Variants in UPF3A observed in about 807,000 individuals in gnomAD.
UPF3A encodes the protein UPF3A regulator of nonsense mediated mRNA decay.
Under a neutral mutation model 53.5 loss-of-function variants are expected in UPF3A, and 42 were observed. The ratio of observed to expected loss-of-function variants is 0.78; its 90% confidence interval spans 0.61 to 1.01. The LOEUF (loss-of-function observed/expected upper bound fraction) is 1.01, where lower values mean the gene tolerates loss of function less well. Ranked by LOEUF, UPF3A falls within the 50% of genes least tolerant of loss-of-function variation. UPF3A has a pLI of 0.00. For synonymous variants in UPF3A, 237 were observed against 225.3 expected, an observed-to-expected ratio of 1.05 and a Z score of -0.47; for missense variants, 575 against 598.0, an observed-to-expected ratio of 0.96 and a Z score of 0.40.
At chr13:114,283,388 A>G (rs9562189) in intron 3 of UPF3A, 7,851 of 152,786 alleles carry the variant, frequency 0.051, 520 homozygotes, top group East Asian at 0.35. Context: ...ATGTTACTGT[A>G]ATTATGTGCA....
intron 7 of UPF3A, among the ~76,000 whole-genome samples, chr13:114,295,307 C>T (rs998628572): frequency 4.9e-5 from 7 of 142,656 alleles, no homozygotes; most frequent in African/African-American, 1.5e-4. Flanking sequence ...GCAGAGCTGG[C>T]CTGCTCCCCA....
chr13:114,301,210 C>G (rs2086572999), intron 8 of UPF3A, among the ~76,000 whole-genome samples: 1 of 151,804 alleles, frequency 6.6e-6, no homozygotes, highest in Admixed American at 6.6e-5. Flanking sequence ...ACCTGTAATC[C>G]CAGCACTTTG....
At chr13:114,301,433 A>C (rs1048305978) in intron 8 of UPF3A, among the ~76,000 whole-genome samples, 2 of 151,702 alleles carry the variant, frequency 1.3e-5, no homozygotes, top group Admixed American at 6.6e-5. Context: ...ATTTTACTCC[A>C]GCCTGGGCAA....
At chr13:114,281,979 C>T (rs577002116) in intron 1 of UPF3A, 42 bp from the exon 2 acceptor site, 5 of 1,521,870 alleles carry the variant, frequency 3.3e-6, no homozygotes, top group East Asian at 2.5e-5. Flanking sequence ...AGCTCCTTGT[C>T]CACGCTCCGC....
At position 114,291,730 on chromosome 13, in the gene UPF3A, A is replaced by G. The variant is rs751362107; in HGVS notation, c.784A>G (p.Arg262Gly). Residue 262 changes from arginine (R) to glycine (G), a missense_variant, in exon 7 of 10, where the codon AGA becomes GGA. Around this residue, in one of 2 missense-constraint regions of UPF3A, gnomAD observed 323 missense variants for 415.2 expected, o/e 0.78. Transcript: ENST00000375299. ...AAAAAGAAGAAGAAGAGAAGAAGAA[A>G]GATGCAAAAAAAAAGAGACAGATAA... is the stretch of plus-strand genomic sequence containing the variant. ...EEKRRRREEERCKKKETDKQK... is the reference protein window; with the variant it reads ...EEKRRRREEEGCKKKETDKQK... 1.3e-6 allele frequency: 2 copies of G among 1,599,152 alleles called. No homozygotes were observed. Among genetic ancestry groups the G allele is most frequent in the Admixed American group, 3.4e-5 (2 of 59,016 alleles).
intron 3 of UPF3A, among the ~76,000 whole-genome samples, chr13:114,284,359 G>A (rs917061865): frequency 2.0e-5 from 3 of 147,520 alleles, no homozygotes; most frequent in African/African-American, 7.8e-5. Flanking sequence ...AAAAAAATAT[G>A]TATGTGTATG....
intron 2 of UPF3A, chr13:114,282,531 C>T (rs2084205933): frequency 7.1e-6 from 7 of 985,344 alleles, no homozygotes; most frequent in Admixed American, 6.1e-5. Context: ...GAGAAGGTCC[C>T]CAAGTCAGGA....
At chr13:114,303,483 C>G (rs1373368973) in intron 9 of UPF3A, among the ~76,000 whole-genome samples, 1 of 152,110 alleles carries the variant, frequency 6.6e-6, no homozygotes, top group Non-Finnish European at 1.5e-5. Flanking sequence ...AGGTATTGCC[C>G]TGGTAAGAAG....
rs564316928 is a variant in UPF3A, at chr13:114,295,004, T to G, written c.846+3212T>G. Reference sequence around the variant, plus strand: ...GCGGGAGCCTGTAGTCCCAGCTACTTGGAAGGCTGAGGCAGGAGAATGGCA... The same window carrying G: ...GCGGGAGCCTGTAGTCCCAGCTACTGGGAAGGCTGAGGCAGGAGAATGGCA... On this transcript the variant is annotated intron_variant, in intron 7 of 9. Transcript: ENST00000375299. 3.4e-5 allele frequency among the ~76,000 whole-genome samples: 5 copies of G among 145,590 alleles called. No individual in the cohort carries two copies. The Admixed American group carries it at 3.4e-4, about 10-fold the overall frequency.
intron 3 of UPF3A, chr13:114,284,214 T>A (rs1344586921): frequency 1.4e-5 from 4 of 290,638 alleles, no homozygotes; most frequent in Non-Finnish European, 2.0e-5. Flanking sequence ...ATACAAAAAT[T>A]AGCCAGGCAT....
Position 114,286,132 on chromosome 13 carries a change from G to GT in UPF3A, c.422-164dup, listed in dbSNP as rs1374784095. ...GCTTGAAAGTGTAATAAAATTGTAG[G>GT]TTTTTTAATCTTTTTTTTAATCTCT... On this transcript the variant is annotated intron_variant, in intron 3 of 9. Coordinates refer to ENST00000375299, the MANE Select transcript of UPF3A (RefSeq NM_023011.4). 10 of 901,896 alleles carry GT rather than the reference G, an allele frequency of 1.1e-5. No homozygotes were observed. The East Asian group carries it at 2.7e-4, about 25-fold the overall frequency. 55.9% of individuals were successfully genotyped at this position (901,896 alleles called of 1,614,324 possible). A position where few individuals can be genotyped will look rare whatever the true frequency, so the allele number is the denominator to read the frequency against.
At chr13:114,296,964 C>A (rs1183136782) in intron 7 of UPF3A, among the ~76,000 whole-genome samples, 1 of 152,200 alleles carries the variant, frequency 6.6e-6, no homozygotes, top group Non-Finnish European at 1.5e-5. Flanking sequence ...TGGGCAGTTA[C>A]CAGAAAGGAA....
chr13:114,292,249 CAT>C lies in UPF3A; in HGVS notation c.846+458_846+459del, dbSNP rs36232597. Among the ~76,000 whole-genome samples, 305 of 149,622 alleles carry C rather than the reference CAT, an allele frequency of 2.0e-3. 1 individual carries two copies. The highest frequency in any genetic ancestry group is 3.6e-3 in the Non-Finnish European group (244 of 67,556). ...AAGGCGTACACGTGCAGATGTGTCACATGTTCATTTTCAGCTCAAGGCGTACA... is the reference window on the plus strand; with the variant it reads ...AAGGCGTACACGTGCAGATGTGTCACGTTCATTTTCAGCTCAAGGCGTACA... On this transcript the variant is annotated intron_variant, in intron 7 of 9. Transcript: ENST00000375299.
rs550683509 is a variant in UPF3A at position 114,297,236 on chromosome 13, T to C, written c.847-1604T>C. Among the ~76,000 whole-genome samples the C allele has an allele frequency of 1.6e-4, 24 of 151,290 alleles. No individual in the cohort carries two copies. The East Asian group carries it at 3.1e-3, about 20-fold the overall frequency. On this transcript the variant is annotated intron_variant, in intron 7 of 9. Coordinates refer to ENST00000375299, the MANE Select transcript of UPF3A (RefSeq NM_023011.4). ...GTGGTGCTTCCGTTTTTTTTTTTTTTCTCCCTTTTCTCAAGTTAGCTGAGG... is the reference window on the plus strand; with the variant it reads ...GTGGTGCTTCCGTTTTTTTTTTTTTCCTCCCTTTTCTCAAGTTAGCTGAGG...
At position 114,289,897 on chromosome 13, in the gene UPF3A, G is replaced by A. The variant is rs552126697; in HGVS notation, c.632-1592G>A. On this transcript the variant is annotated intron_variant, in intron 5 of 9. Coordinates refer to ENST00000375299, the MANE Select transcript of UPF3A (RefSeq NM_023011.4). ...GGGTGATAGGGCAGACATTTTATAG[G>A]AAGAGGAAGGTGGGCAAGCGGAGTC... 2.5e-3 allele frequency among the ~76,000 whole-genome samples: 376 copies of A among 152,380 alleles called. 1 individual carries two copies. The highest frequency in any genetic ancestry group is 8.7e-3 in the African/African-American group (360 of 41,590).
At chr13:114,293,223 AAAACAC>A in intron 7 of UPF3A, among the ~76,000 whole-genome samples, 2 of 151,158 alleles carry the variant, frequency 1.3e-5, no homozygotes, top group East Asian at 3.9e-4. Context: ...ATCTCTACTA[AAAACAC>A]AAAAATGAGC....
intron 3 of UPF3A, chr13:114,284,063 CACTTA>C: frequency 7.1e-6 from 7 of 985,246 alleles, no homozygotes; most frequent in Non-Finnish European, 8.4e-6. Flanking sequence ...TTCCCTTTTT[CACTTA>C]AAAAATATTG....
At chr13:114,292,458 G>A (rs1389232485) in intron 7 of UPF3A, among the ~76,000 whole-genome samples, 1 of 148,122 alleles carries the variant, frequency 6.8e-6, no homozygotes, top group African/African-American at 2.5e-5. Flanking sequence ...ACGTGCAGGT[G>A]TGTTACGTGT....
At position 114,301,884 on chromosome 13, in the gene UPF3A, A is replaced by G. The variant is rs751118667; in HGVS notation, c.1161A>G (p.Arg387=). 6 of 1,611,306 alleles carry G rather than the reference A, an allele frequency of 3.7e-6. No individual in the cohort carries two copies. Among genetic ancestry groups the G allele is most frequent in the South Asian group, 1.1e-5 (1 of 90,804 alleles). ...RLSRRSEDEQ[R]WGKGPGQDRG... ...CCAGAAGGAGTGAGGATGAGCAGAG[A>G]TGGGGGAAAGGACCTGGCCAAGACA... is the stretch of plus-strand genomic sequence containing the variant. Residue 387 remains arginine, a synonymous_variant, in exon 9 of 10, where the codon AGA becomes AGG. Coordinates refer to ENST00000375299, the MANE Select transcript of UPF3A (RefSeq NM_023011.4).
Sources: allele counts gnomAD v4.1 joint callset (sites outside exome capture counted in the v4.1 genomes callset), GRCh38; gene constraint gnomAD v4.1.1; regional missense constraint gnomAD v4.1.1; transcripts MANE v1.5; gene names NCBI Gene and HGNC (gene_info 2026-07-23, HGNC 2026-07-21).